Variants in KCNT2 observed in about 807,000 individuals in gnomAD.
KCNT2 encodes potassium channel subfamily T member 2.
KCNT2 carries 67 observed loss-of-function variants against 153.8 expected under a neutral mutation model. That is an observed-to-expected ratio of 0.44 (90% CI 0.36 to 0.53). The LOEUF (loss-of-function observed/expected upper bound fraction) is 0.53. Ranked by LOEUF, KCNT2 falls within the 20% of genes least tolerant of loss-of-function variation. KCNT2 has a pLI of 0.00. For missense variants in KCNT2, 975 were observed against 1,354.8 expected (o/e 0.72, Z 4.40); for synonymous variants, 500 against 458.8 (o/e 1.09, Z -1.15).
At chr1:196,359,170 A>C (rs2148261579) in intron 14 of KCNT2, among the ~76,000 whole-genome samples, 1 of 152,116 alleles carries the variant, frequency 6.6e-6, no homozygotes, top group Non-Finnish European at 1.5e-5. Flanking sequence ...CAATATACAT[A>C]ACTTGAATTA....
chr1:196,292,741 G>T (rs968788124), intron 22 of KCNT2, among the ~76,000 whole-genome samples: 1 of 151,140 alleles, frequency 6.6e-6, no homozygotes, highest in South Asian at 2.1e-4. Flanking sequence ...CGGGAGGCGG[G>T]GCGGAACTTG....
chr1:196,449,883 A>C (rs952602949), intron 8 of KCNT2, among the ~76,000 whole-genome samples: 3 of 151,748 alleles, frequency 2.0e-5, no homozygotes, highest in Non-Finnish European at 4.4e-5. Flanking sequence ...AGATGTATGA[A>C]TTCAGCATAA....
At chr1:196,472,650 G>T (rs1209614868) in intron 5 of KCNT2, among the ~76,000 whole-genome samples, 1 of 152,078 alleles carries the variant, frequency 6.6e-6, no homozygotes, top group African/African-American at 2.4e-5. Flanking sequence ...CTTATGATTT[G>T]TTCCCTGACT....
chr1:196,385,292 G>C (rs1479490248), intron 13 of KCNT2, among the ~76,000 whole-genome samples: 5 of 151,992 alleles, frequency 3.3e-5, no homozygotes, highest in Non-Finnish European at 5.9e-5. Flanking sequence ...CACTATTTTT[G>C]ACCTGTACAG....
chr1:196,432,299 C>T (rs994556394), intron 8 of KCNT2, among the ~76,000 whole-genome samples: 1 of 152,220 alleles, frequency 6.6e-6, no homozygotes, highest in East Asian at 1.9e-4. Context: ...GAACTACCAC[C>T]GGGGTATGGC....
At chr1:196,350,242 A>G (rs1022192640) in intron 14 of KCNT2, among the ~76,000 whole-genome samples, 11 of 152,212 alleles carry the variant, frequency 7.2e-5, no homozygotes, top group African/African-American at 2.7e-4. Context: ...TGGCTGGGTC[A>G]AACGGTATTT....
At chr1:196,479,746 G>A (rs112467541) in intron 4 of KCNT2, among the ~76,000 whole-genome samples, 8,792 of 152,182 alleles carry the variant, frequency 0.058, 395 homozygotes, top group Non-Finnish European at 0.085. Flanking sequence ...AATCACATGT[G>A]ACTGTCCACC....
At chr1:196,240,436 T>A (rs1396842778) in intron 26 of KCNT2, among the ~76,000 whole-genome samples, 3 of 152,018 alleles carry the variant, frequency 2.0e-5, no homozygotes, top group Non-Finnish European at 4.4e-5. Context: ...TGATTTATAG[T>A]TCTTGTACTT....
intron 14 of KCNT2, among the ~76,000 whole-genome samples, chr1:196,366,840 T>G (rs541373525): frequency 4.2e-4 from 64 of 152,308 alleles, no homozygotes; most frequent in Non-Finnish European, 6.5e-4. Flanking sequence ...TGTCACACAG[T>G]GAATATTCAA....
At chr1:196,268,926 C>G (rs996013054) in intron 25 of KCNT2, among the ~76,000 whole-genome samples, 1 of 152,010 alleles carries the variant, frequency 6.6e-6, no homozygotes, top group Admixed American at 6.6e-5. Flanking sequence ...GGTAAAAATT[C>G]TCCTCAGAAC....
intron 3 of KCNT2, among the ~76,000 whole-genome samples, chr1:196,485,121 A>T (rs1312647792): frequency 9.9e-5 from 15 of 152,096 alleles, no homozygotes; most frequent in Non-Finnish European, 2.2e-4. Context: ...CAGTCATAAA[A>T]AGGAATGAGA....
At chr1:196,349,077 A>G (rs1376116707) in intron 14 of KCNT2, among the ~76,000 whole-genome samples, 1 of 152,136 alleles carries the variant, frequency 6.6e-6, no homozygotes, top group East Asian at 1.9e-4. Context: ...TTGATGAGAC[A>G]TCTTGGAAGG....
At chr1:196,494,188 T>C (rs1361401) in intron 1 of KCNT2, among the ~76,000 whole-genome samples, 2,624 of 152,338 alleles carry the variant, frequency 0.017, 80 homozygotes, top group African/African-American at 0.059. Context: ...CAGTTCATTT[T>C]AAATATAGTA....
chr1:196,534,156 G>A (rs1655269387), intron 1 of KCNT2, among the ~76,000 whole-genome samples: 1 of 151,952 alleles, frequency 6.6e-6, no homozygotes, highest in Admixed American at 6.6e-5. Flanking sequence ...CACTACCTCG[G>A]AAACCACATA....
At chr1:196,398,418 A>G (rs1454618855) in intron 13 of KCNT2, 145 bp downstream of exon 13, 7 of 550,252 alleles carry the variant, frequency 1.3e-5, no homozygotes, top group African/African-American at 9.6e-5. Flanking sequence ...ATCCTCTCGT[A>G]TCAAGTAAAT....
intron 1 of KCNT2, among the ~76,000 whole-genome samples, chr1:196,601,823 C>T (rs1460236515): frequency 1.3e-5 from 2 of 152,026 alleles, no homozygotes; most frequent in African/African-American, 2.4e-5. Context: ...ATCTAAAAGT[C>T]TTATTTCTTT....
intron 16 of KCNT2, among the ~76,000 whole-genome samples, chr1:196,339,771 GA>G (rs1443440336): frequency 2.0e-5 from 3 of 152,048 alleles, no homozygotes; most frequent in Non-Finnish European, 4.4e-5. Context: ...AAACCGTAAA[GA>G]AATTCTTATT....
In KCNT2 at chr1:196,410,321, C is replaced by CT. The variant is rs202243607; in HGVS notation, c.1186-11651dup. 1.2e-3 allele frequency among the ~76,000 whole-genome samples: 175 copies of CT among 143,282 alleles called. 1 individual carries two copies. Among genetic ancestry groups the CT allele is most frequent in the South Asian group, 9.8e-3 (44 of 4,510 alleles). 94.0% of individuals were successfully genotyped at this position (143,282 alleles called of 152,430 possible). A position where few individuals can be genotyped will look rare whatever the true frequency, so the allele number is the denominator to read the frequency against. ...TCCTTTGCTATGCATAAGTTTATTG[C>CT]TTTTTTTTTTTAGTTTGATATAATA... is the stretch of plus-strand genomic sequence containing the variant. On this transcript the variant is annotated intron_variant, in intron 12 of 27. Transcript: ENST00000294725.
chr1:196,247,805 C>T (rs1655587579), intron 26 of KCNT2, among the ~76,000 whole-genome samples: 1 of 152,108 alleles, frequency 6.6e-6, no homozygotes, highest in African/African-American at 2.4e-5. Context: ...GGGGGCACAA[C>T]CAAAATCCAT....
Sources: allele counts gnomAD v4.1 joint callset (sites outside exome capture counted in the v4.1 genomes callset), GRCh38; gene constraint gnomAD v4.1.1; transcripts MANE v1.5; gene names NCBI Gene and HGNC (gene_info 2026-07-23, HGNC 2026-07-21).